The following FIG4 variants were observed in gnomAD, a reference collection of about 807,000 sequenced individuals.
FIG4 encodes the protein FIG4 phosphoinositide 5-phosphatase, also known as polyphosphoinositide phosphatase.
In FIG4, 112 loss-of-function variants were observed where a neutral mutation model predicts 118.6. That is an observed-to-expected ratio of 0.94 (90% CI 0.81 to 1.11). The LOEUF is 1.11. FIG4 is among the 50% of genes least tolerant of loss of function. FIG4 has a pLI of 0.00. For synonymous variants in FIG4, 369 were observed against 381.2 expected (o/e 0.97, Z 0.37); for missense variants, 969 against 1,111.7 (o/e 0.87, Z 1.83).
chr6:109,804,063 T>C (rs1395776873), intron 22 of FIG4, among the ~76,000 whole-genome samples: 4 of 152,186 alleles, frequency 2.6e-5, no homozygotes, highest in African/African-American at 7.2e-5. Context: ...TAATGACTGA[T>C]AGAGATGAAG....
chr6:109,800,238 A>G (rs1778393059), intron 22 of FIG4, among the ~76,000 whole-genome samples: 1 of 152,178 alleles, frequency 6.6e-6, no homozygotes, highest in Admixed American at 6.5e-5. Context: ...TCACTGGGGT[A>G]GCAATGCTTT....
intron 22 of FIG4, among the ~76,000 whole-genome samples, chr6:109,822,388 A>G (rs1463695168): frequency 6.6e-6 from 1 of 152,184 alleles, no homozygotes; most frequent in Non-Finnish European, 1.5e-5. Flanking sequence ...GCACTGGTAA[A>G]TCTGAAACAC....
intron 2 of FIG4, among the ~76,000 whole-genome samples, 153 bp downstream of exon 2, chr6:109,715,329 A>G (rs893136884): frequency 5.3e-5 from 8 of 152,172 alleles, no homozygotes; most frequent in African/African-American, 1.9e-4. Flanking sequence ...TTGAATCTCC[A>G]ATCTGATTTC....
Position 109,766,795 on chromosome 6 carries a change from T to C in FIG4, c.1650T>C (p.Leu550=). The C allele has an allele frequency of 1.2e-6, 2 of 1,613,824 alleles. No homozygotes were observed. The highest frequency in any genetic ancestry group is 1.7e-6 in the Non-Finnish European group (2 of 1,179,728). Residue 550 remains leucine, a synonymous_variant, in exon 15 of 23, where the codon CTT becomes CTC. Coordinates refer to ENST00000230124, the MANE Select transcript of FIG4 (RefSeq NM_014845.6). The part of the protein sequence containing the change: ...TLSLQYGGSQ[L]VHRVKTYRKI... ...CCCTTCAGTATGGTGGTTCTCAACT[T>C]GTTCATCGTGTGAAAACCTACAGAA...
intron 1 of FIG4, among the ~76,000 whole-genome samples, chr6:109,691,760 T>G (rs1328846348): frequency 1.3e-5 from 2 of 152,290 alleles, no homozygotes; most frequent in East Asian, 3.9e-4. Context: ...AACAGGTGCT[T>G]GTGGTACCTC....
chr6:109,746,225 A>T (rs1023484014), intron 10 of FIG4, among the ~76,000 whole-genome samples: 1 of 152,112 alleles, frequency 6.6e-6, no homozygotes, highest in Non-Finnish European at 1.5e-5. Context: ...CCTTCCTTAC[A>T]CCTTATAGTC....
At chr6:109,702,096 C>A (rs1240046183) in intron 1 of FIG4, among the ~76,000 whole-genome samples, 1 of 152,122 alleles carries the variant, frequency 6.6e-6, no homozygotes, top group East Asian at 1.9e-4. Flanking sequence ...TCATGGTGCT[C>A]TTTACAAATA....
chr6:109,716,506 C>T lies in FIG4; in HGVS notation c.227C>T (p.Thr76Ile), dbSNP rs773582163. The T allele has an allele frequency of 6.2e-7, 1 of 1,613,906 alleles. No individual in the cohort carries two copies. The highest frequency in any genetic ancestry group is 1.1e-5 in the South Asian group (1 of 91,080). The change falls in exon 3 of 23, where the codon ACA becomes ATA. Residue 76 changes from threonine (T) to isoleucine (I), a missense_variant. This residue lies in a region of FIG4 where 393 missense variants were observed against 409.4 expected (regional missense o/e 0.96). Transcript: ENST00000230124. ...GGCCGCTTGGATCTTGGAAATAGAACAAAGATGGGACAGAAAGGATCCTCG... is the reference window on the plus strand; with the variant it reads ...GGCCGCTTGGATCTTGGAAATAGAATAAAGATGGGACAGAAAGGATCCTCG... ...LLGRLDLGNR[T>I]KMGQKGSSGL... is the part of the protein sequence containing the mutation.
At chr6:109,772,001 C>T (rs139644501) in intron 15 of FIG4, among the ~76,000 whole-genome samples, 3 of 152,328 alleles carry the variant, frequency 2.0e-5, no homozygotes, top group African/African-American at 7.2e-5. Flanking sequence ...ATGAGCAAAA[C>T]CTCTTGAAAG....
chr6:109,740,564 T>C (rs1326734327), intron 7 of FIG4, among the ~76,000 whole-genome samples: 1 of 152,152 alleles, frequency 6.6e-6, no homozygotes, highest in African/African-American at 2.4e-5. Context: ...AAGCTGTATA[T>C]TGGTTAAGCA....
chr6:109,693,412 A>G (rs575771390), intron 1 of FIG4, among the ~76,000 whole-genome samples: 3 of 152,194 alleles, frequency 2.0e-5, no homozygotes, highest in Non-Finnish European at 2.9e-5. Context: ...TGCAAACAGT[A>G]GTCTCTCAAT....
At chr6:109,819,418 A>T (rs1315908123) in intron 22 of FIG4, among the ~76,000 whole-genome samples, 3 of 152,280 alleles carry the variant, frequency 2.0e-5, no homozygotes, top group Admixed American at 2.0e-4. Context: ...TTTGGTTATT[A>T]TAGCTTTTGG....
intron 22 of FIG4, among the ~76,000 whole-genome samples, chr6:109,824,151 C>A (rs1384395121): frequency 1.3e-5 from 2 of 152,210 alleles, no homozygotes; most frequent in East Asian, 3.9e-4. Context: ...AATTTTAAGC[C>A]TGTGGCAGCC....
At chr6:109,733,358 C>A (rs976603380) in intron 5 of FIG4, among the ~76,000 whole-genome samples, 1 of 151,942 alleles carries the variant, frequency 6.6e-6, no homozygotes, top group East Asian at 1.9e-4. Context: ...CTACCATTGA[C>A]GTGACCAGTA....
At position 109,766,110 on chromosome 6, in the gene FIG4, C is replaced by T. The variant is rs190275163; in HGVS notation, c.1584-619C>T. Among the ~76,000 whole-genome samples the T allele has an allele frequency of 5.3e-5, 8 of 152,238 alleles. No homozygotes were observed. In the South Asian group the frequency reaches 6.2e-4, roughly 12 times the overall value. On this transcript the variant is annotated intron_variant, in intron 14 of 22. Coordinates refer to ENST00000230124, the MANE Select transcript of FIG4 (RefSeq NM_014845.6). ...GAAAATGAGTAGAGCTGAGAGGAAC[C>T]GTCATGACTGGGATTAGTGTCCTTA... is the stretch of plus-strand genomic sequence containing the variant.
rs1235507000 is a variant in FIG4 at position 109,716,583 on chromosome 6, C to T, written c.289+15C>T. On this transcript the variant is annotated intron_variant, in intron 3 of 22. Coordinates refer to ENST00000230124, the MANE Select transcript of FIG4 (RefSeq NM_014845.6). ...TGGTGTTGTGGGTAAGAAATCTGCC[C>T]CCCTTCTTACAATCTCTTGTTTTTT... The T allele has an allele frequency of 2.5e-6, 4 of 1,613,272 alleles. No homozygotes were observed. The highest frequency in any genetic ancestry group is 3.4e-6 in the Non-Finnish European group (4 of 1,179,454).
intron 22 of FIG4, among the ~76,000 whole-genome samples, chr6:109,806,584 A>G (rs1329720920): frequency 6.6e-6 from 1 of 151,946 alleles, no homozygotes; most frequent in Non-Finnish European, 1.5e-5. Context: ...CTGATTTTAT[A>G]AGGAGTCCTG....
intron 22 of FIG4, among the ~76,000 whole-genome samples, chr6:109,813,171 A>T (rs1583769907): frequency 6.6e-6 from 1 of 152,306 alleles, no homozygotes; most frequent in East Asian, 1.9e-4. Context: ...TCTCAAGCTT[A>T]TCTAAAAGTT....
intron 16 of FIG4, among the ~76,000 whole-genome samples, chr6:109,777,379 T>C (rs1275082129): frequency 6.6e-6 from 1 of 152,070 alleles, no homozygotes; most frequent in Non-Finnish European, 1.5e-5. Context: ...TTGGGGAAAA[T>C]GTGGCTAGCA....
Sources: gnomAD v4.1 joint callset for allele counts (sites outside exome capture counted in the v4.1 genomes callset) on GRCh38, gnomAD v4.1.1 for gene constraint, gnomAD v4.1.1 regional missense constraint, MANE v1.5 for transcripts, NCBI Gene and HGNC (gene_info 2026-07-23, HGNC 2026-07-21) for gene names.